The following RHBDL2 variants were observed in gnomAD, a reference collection of about 807,000 sequenced individuals.
The protein encoded by RHBDL2 is rhomboid like 2, also known as rhomboid-related protein 2.
RHBDL2 carries 26 observed loss-of-function variants against 31.7 expected under a neutral mutation model. The ratio of observed to expected loss-of-function variants is 0.82; its 90% confidence interval spans 0.60 to 1.14. RHBDL2 has a LOEUF of 1.14. Among genes scored for constraint, RHBDL2 ranks in the 50% most tolerant of loss-of-function variants. The pLI is 0.00. For synonymous variants in RHBDL2, 123 were observed against 127.2 expected, an observed-to-expected ratio of 0.97 and a Z score of 0.22; for missense variants, 336 against 364.4, an observed-to-expected ratio of 0.92 and a Z score of 0.63.
chr1:38,896,838 T>A (rs762022948), intron 4 of RHBDL2, among the ~76,000 whole-genome samples: 1 of 152,222 alleles, frequency 6.6e-6, no homozygotes, highest in Non-Finnish European at 1.5e-5. Flanking sequence ...CTTGGTCTAT[T>A]CCTTTCAAGG....
chr1:38,911,659 CGT>C (rs1491187664), intron 3 of RHBDL2, among the ~76,000 whole-genome samples: 14 of 147,506 alleles, frequency 9.5e-5, no homozygotes, highest in Admixed American at 7.4e-4. Flanking sequence ...CGCGCGCGCG[CGT>C]GTGTGACTTG....
At chr1:38,928,827 G>A (rs1643408686) in intron 1 of RHBDL2, among the ~76,000 whole-genome samples, 1 of 152,108 alleles carries the variant, frequency 6.6e-6, no homozygotes, top group Non-Finnish European at 1.5e-5. Flanking sequence ...TTGAGAGACC[G>A]AGGCAGGAGG....
At chr1:38,890,706 A>ATT (rs144506667) in intron 6 of RHBDL2, among the ~76,000 whole-genome samples, 59 of 146,184 alleles carry the variant, frequency 4.0e-4, no homozygotes, top group Middle Eastern at 7.0e-3. Context: ...CTTCATATGG[A>ATT]TTTTTTTTTT....
chr1:38,930,965 T>C (rs925751684), intron 1 of RHBDL2, among the ~76,000 whole-genome samples: 4 of 152,206 alleles, frequency 2.6e-5, no homozygotes, highest in African/African-American at 9.6e-5. Flanking sequence ...TTGGTCACCC[T>C]GTCATGGACC....
chr1:38,929,911 G>A (rs1369462304), intron 1 of RHBDL2, among the ~76,000 whole-genome samples: 1 of 152,208 alleles, frequency 6.6e-6, no homozygotes, highest in Non-Finnish European at 1.5e-5. Context: ...GGTTGTGGTT[G>A]TTTTCTTTTG....
intron 4 of RHBDL2, among the ~76,000 whole-genome samples, chr1:38,900,972 C>T (rs1642981182): frequency 6.6e-6 from 1 of 151,274 alleles, no homozygotes; most frequent in Non-Finnish European, 1.5e-5. Flanking sequence ...CGCTTGAACC[C>T]AGGAGGCAGA....
chr1:38,926,909 A>G (rs1160721001), intron 1 of RHBDL2: 2 of 152,362 alleles, frequency 1.3e-5, no homozygotes, highest in East Asian at 3.9e-4. Flanking sequence ...AACCGGACCA[A>G]TACAGAGAAG....
chr1:38,908,042 TAAAA>T (rs1258730080), intron 4 of RHBDL2, among the ~76,000 whole-genome samples: 2 of 145,232 alleles, frequency 1.4e-5, no homozygotes, highest in Admixed American at 7.2e-5. Context: ...ATTCAACAGT[TAAAA>T]AAAGTTAGAA....
chr1:38,911,602 CTGTGTGTGTGTGTGTGTGTGTGTGTGTG>C (rs56978792), intron 3 of RHBDL2, among the ~76,000 whole-genome samples, 168 bp from the exon 4 acceptor site: 1 of 142,206 alleles, frequency 7.0e-6, no homozygotes, highest in Non-Finnish European at 1.5e-5. Flanking sequence ...TTTCTTTTTT[CTGTGTGTGTGTGTGTGTGTGTGTGTGTG>C]TGTGTGTGTG....
In RHBDL2 at chr1:38,895,956, C is replaced by A; in HGVS notation, c.609+13G>T. 1.9e-6 allele frequency: 3 copies of A among 1,561,350 alleles called. No individual in the cohort carries two copies. The highest frequency in any genetic ancestry group is 2.6e-6 in the Non-Finnish European group (3 of 1,133,568). ...TTTAAGAGACTCGTGGACTCCATCC[C>A]CATGGTTCTTACCACCAGAACATTC... On this transcript the variant is annotated intron_variant, in intron 5 of 7. Coordinates refer to ENST00000372990, the MANE Select transcript of RHBDL2 (RefSeq NM_017821.5).
intron 1 of RHBDL2, among the ~76,000 whole-genome samples, chr1:38,931,994 T>G (rs1643444221): frequency 6.6e-6 from 1 of 152,226 alleles, no homozygotes; most frequent in Non-Finnish European, 1.5e-5. Context: ...CAATACTACG[T>G]GGCAGAAGCT....
At chr1:38,939,599 A>G (rs1439705889) in intron 1 of RHBDL2, among the ~76,000 whole-genome samples, 1 of 151,826 alleles carries the variant, frequency 6.6e-6, no homozygotes, top group East Asian at 2.0e-4. Context: ...ATCAACTGAG[A>G]TGGGGATGCC....
intron 1 of RHBDL2, among the ~76,000 whole-genome samples, chr1:38,939,798 TC>T: frequency 6.6e-6 from 1 of 152,118 alleles, no homozygotes; most frequent in African/African-American, 2.4e-5. Flanking sequence ...CACCTTGGCC[TC>T]CTAAAGTGCT....
chr1:38,938,022 A>AT lies in RHBDL2; in HGVS notation c.-126+3659dup, dbSNP rs72308723. Among the ~76,000 whole-genome samples the AT allele has an allele frequency of 4.9e-3, 714 of 146,942 alleles. 1 individual carries two copies. The highest frequency in any genetic ancestry group is 0.014 in the African/African-American group (574 of 40,374). ...TCAGGTAGTGTCATTCTCATTGCTA[A>AT]TTTTTTTTTTTTTGAGACAGTGTCT... On this transcript the variant is annotated intron_variant, in intron 1 of 7. Coordinates refer to ENST00000372990, the MANE Select transcript of RHBDL2 (RefSeq NM_017821.5).
intron 7 of RHBDL2, among the ~76,000 whole-genome samples, chr1:38,887,458 T>C (rs528797891): frequency 2.5e-4 from 38 of 152,220 alleles, no homozygotes; most frequent in Non-Finnish European, 4.4e-4. Context: ...ACAGAGTCAC[T>C]CTGTCACCCA....
chr1:38,902,304 C>T (rs1390812551), intron 4 of RHBDL2, among the ~76,000 whole-genome samples: 1 of 145,728 alleles, frequency 6.9e-6, no homozygotes, highest in Non-Finnish European at 1.5e-5. Context: ...TTCCTAGGCT[C>T]AGGTGATTTT....
At chr1:38,924,333 G>A (rs577828181) in intron 1 of RHBDL2, among the ~76,000 whole-genome samples, 5 of 152,204 alleles carry the variant, frequency 3.3e-5, no homozygotes, top group Middle Eastern at 6.8e-3. Context: ...AGTGGCTCAC[G>A]CCTGTAATCC....
At chr1:38,921,303 C>T (rs761073835) in intron 1 of RHBDL2, among the ~76,000 whole-genome samples, 4 of 152,170 alleles carry the variant, frequency 2.6e-5, no homozygotes, top group Non-Finnish European at 5.9e-5. Flanking sequence ...ATCGCTTGAA[C>T]CTGGGAGGCA....
chr1:38,930,493 A>G (rs1411983832), intron 1 of RHBDL2, among the ~76,000 whole-genome samples: 1 of 152,210 alleles, frequency 6.6e-6, no homozygotes, highest in Admixed American at 6.5e-5. Context: ...AGTATTTGTA[A>G]TAGTAATAAT....
Sources: gnomAD v4.1 joint callset for allele counts (sites outside exome capture counted in the v4.1 genomes callset) on GRCh38, gnomAD v4.1.1 for gene constraint, MANE v1.5 for transcripts, NCBI Gene and HGNC (gene_info 2026-07-23, HGNC 2026-07-21) for gene names.